KCNQ1OT1: variants seen among roughly 807,000 people sequenced by gnomAD.
The protein encoded by KCNQ1OT1 is KCNQ1 opposite strand/antisense transcript 1.
Position 2,645,519 on chromosome 11 carries a change from C to T in KCNQ1OT1, n.54476G>A, listed in dbSNP as rs1243052965. The T allele has an allele frequency of 5.0e-6, 2 of 398,640 alleles. No homozygotes were observed. Among genetic ancestry groups the T allele is most frequent in the Admixed American group, 8.8e-5 (2 of 22,710 alleles). The allele number at this position is 398,640 out of a possible 1,614,324, so 24.7% of individuals were successfully genotyped here. On this transcript the variant is annotated non_coding_transcript_exon_variant, in exon 1 of 1. Coordinates refer to ENST00000597346, the Ensembl canonical transcript of KCNQ1OT1. The surrounding 1 kb of genome is among the most constrained non-coding windows in gnomAD (Gnocchi z 5.8). ...GGGCAGCAGCAACTCTATTGCAGCC[C>T]TACTCCTGGGGAAGTTGAGTGGGAT...
rs186627326 is a variant in KCNQ1OT1 at position 2,646,853 on chromosome 11, C to A, written n.53142G>T. The A allele has an allele frequency of 1.5e-5, 6 of 398,626 alleles. No individual in the cohort carries two copies. The Admixed American group carries it at 2.6e-4, about 18-fold the overall frequency. 24.7% of individuals were successfully genotyped at this position (398,626 alleles called of 1,614,324 possible). ...GTTTGTTGATTTTTTTATCCTGCAA[C>A]TTTATTGAATTCCTTTACCAGTTCT... is the stretch of plus-strand genomic sequence containing the variant. On this transcript the variant is annotated non_coding_transcript_exon_variant, in exon 1 of 1. Coordinates refer to ENST00000597346, the Ensembl canonical transcript of KCNQ1OT1.
In KCNQ1OT1 at chr11:2,659,275, A is replaced by C; in HGVS notation, n.40720T>G. 2.5e-6 allele frequency: 1 copy of C among 398,628 alleles called. No homozygotes were observed. Among genetic ancestry groups the C allele is most frequent in the Non-Finnish European group, 4.4e-6 (1 of 226,052 alleles). 24.7% of individuals were successfully genotyped at this position (398,628 alleles called of 1,614,324 possible). A position where few individuals can be genotyped will look rare whatever the true frequency, so the allele number is the denominator to read the frequency against. On this transcript the variant is annotated non_coding_transcript_exon_variant, in exon 1 of 1. Coordinates refer to ENST00000597346, the Ensembl canonical transcript of KCNQ1OT1. This position sits in a 1 kb window ranked among gnomAD's most constrained non-coding sequence, Gnocchi z 4.3. ...TTTTGAAGTCAAGTACTTCTCCCCT[A>C]ACCACTGGCAGCTATTGATCTGTTT...
exon 1 of KCNQ1OT1, chr11:2,614,590 G>T (rs1205913554): frequency 7.5e-6 from 3 of 398,248 alleles, no homozygotes; most frequent in Non-Finnish European, 1.3e-5. Flanking sequence ...TTCATTCTTT[G>T]ATATATGAGG....
At chr11:2,672,776 G>A (rs962474519) in exon 1 of KCNQ1OT1, 1 of 398,754 alleles carries the variant, frequency 2.5e-6, no homozygotes, top group Non-Finnish European at 4.4e-6. Flanking sequence ...TCTCCTCCCC[G>A]CAACAGATCC....
In KCNQ1OT1 at chr11:2,671,325, C is replaced by T. The variant is rs576453276; in HGVS notation, n.28670G>A. 506 of 398,600 alleles carry T rather than the reference C, an allele frequency of 1.3e-3. 3 individuals carry two copies. Among genetic ancestry groups the T allele is most frequent in the Non-Finnish European group, 1.8e-3 (397 of 226,056 alleles). The allele number at this position is 398,600 out of a possible 1,614,324, so 24.7% of individuals were successfully genotyped here. On this transcript the variant is annotated non_coding_transcript_exon_variant, in exon 1 of 1. Transcript: ENST00000597346. This position sits in a 1 kb window ranked among gnomAD's most constrained non-coding sequence, Gnocchi z 4.7. ...ATCTTTTCCCATGTGTGGCTGCAGC[C>T]TCAGAGGCTCCCTCTGAAGATGACA...
chr11:2,637,607 T>A (rs565600700), exon 1 of KCNQ1OT1: 1 of 152,244 alleles, frequency 6.6e-6, no homozygotes, highest in African/African-American at 2.4e-5. Flanking sequence ...CTTCCAATTA[T>A]GTGGTCAATT....
rs1004721412 is a variant in KCNQ1OT1 at position 2,620,820 on chromosome 11, G to A, written n.79175C>T. 26 of 398,370 alleles carry A rather than the reference G, an allele frequency of 6.5e-5. No individual in the cohort carries two copies. Among genetic ancestry groups the A allele is most frequent in the South Asian group, 6.4e-4 (5 of 7,862 alleles). The allele number at this position is 398,370 out of a possible 1,614,324, so 24.7% of individuals were successfully genotyped here. ...GTATTCCTGCCAACAGTGTATAAGC[G>A]TTCCCTTTTCTCTGCAGCCTTCCCA... is the stretch of plus-strand genomic sequence containing the variant. On this transcript the variant is annotated non_coding_transcript_exon_variant, in exon 1 of 1. Transcript: ENST00000597346. The surrounding 1 kb of genome is among the most constrained non-coding windows in gnomAD (Gnocchi z 4.5).
rs1035141976 is a variant in KCNQ1OT1, at chr11:2,616,894, G to T, written n.83101C>A. On this transcript the variant is annotated non_coding_transcript_exon_variant, in exon 1 of 1. Coordinates refer to ENST00000597346, the Ensembl canonical transcript of KCNQ1OT1. ...CCATATATGTTTGTAGGTCTAGTTG[G>T]TTTATGGTATTGTTCAAGTCCTCTC... is the stretch of plus-strand genomic sequence containing the variant. The T allele has an allele frequency of 3.5e-5, 14 of 397,864 alleles. No individual in the cohort carries two copies. In the Admixed American group the frequency reaches 6.2e-4, roughly 18 times the overall value. 24.6% of individuals were successfully genotyped at this position (397,864 alleles called of 1,614,324 possible).
chr11:2,649,475 T>C (rs752483282), exon 1 of KCNQ1OT1: 22 of 398,454 alleles, frequency 5.5e-5, no homozygotes, highest in African/African-American at 1.0e-4. Flanking sequence ...GATTTAGTAG[T>C]AATGAATTCC....
chr11:2,618,817 G>A, exon 1 of KCNQ1OT1: 1 of 398,270 alleles, frequency 2.5e-6, no homozygotes, highest in Non-Finnish European at 4.4e-6. Context: ...ATGAGCATGG[G>A]ATATCTTTCC....
exon 1 of KCNQ1OT1, chr11:2,622,203 C>G: frequency 2.5e-6 from 1 of 398,334 alleles, no homozygotes; most frequent in Non-Finnish European, 4.4e-6. Flanking sequence ...CCAATTCTGT[C>G]AGTATATTTT....
rs768792902 is a variant in KCNQ1OT1, at chr11:2,656,769, T to TA, written n.43225dup. ...TCTCTCTCATGGTTATTGCTTCTTT[T>TA]AAAAAAAACCATCCTAATGCTGATG... On this transcript the variant is annotated non_coding_transcript_exon_variant, in exon 1 of 1. Coordinates refer to ENST00000597346, the Ensembl canonical transcript of KCNQ1OT1. 2.1e-4 allele frequency: 83 copies of TA among 398,448 alleles called. No individual in the cohort carries two copies. Among genetic ancestry groups the TA allele is most frequent in the South Asian group, 1.9e-3 (15 of 7,842 alleles). The allele number at this position is 398,448 out of a possible 1,614,324, so 24.7% of individuals were successfully genotyped here. A position where few individuals can be genotyped will look rare whatever the true frequency, so the allele number is the denominator to read the frequency against.
exon 1 of KCNQ1OT1, chr11:2,692,880 T>C (rs566863239): frequency 4.5e-5 from 18 of 398,642 alleles, no homozygotes; most frequent in African/African-American, 3.5e-4. Context: ...CTGTGCTGTG[T>C]AGATGCAGCA....
chr11:2,635,803 C>T (rs1255137019), exon 1 of KCNQ1OT1: 1 of 152,086 alleles, frequency 6.6e-6, no homozygotes, highest in Non-Finnish European at 1.5e-5. Flanking sequence ...TACTGATTCT[C>T]CCTATCCATG....
chr11:2,634,219 TG>T, exon 1 of KCNQ1OT1: 1 of 394,390 alleles, frequency 2.5e-6, no homozygotes. Context: ...GTGCACAACG[TG>T]CAGGTTTGTT....
At chr11:2,610,849 G>A (rs1848969810) in exon 1 of KCNQ1OT1, 1 of 397,238 alleles carries the variant, frequency 2.5e-6, no homozygotes, top group African/African-American at 2.1e-5. Context: ...AACAGGGGAG[G>A]GTATTAAGCA....
At position 2,652,455 on chromosome 11, in the gene KCNQ1OT1, C is replaced by T; in HGVS notation, n.47540G>A. 1 of 398,572 alleles carries T rather than the reference C, an allele frequency of 2.5e-6. No individual in the cohort carries two copies. Among genetic ancestry groups the T allele is most frequent in the Non-Finnish European group, 4.4e-6 (1 of 226,056 alleles). The allele number at this position is 398,572 out of a possible 1,614,324, so 24.7% of individuals were successfully genotyped here. On this transcript the variant is annotated non_coding_transcript_exon_variant, in exon 1 of 1. Transcript: ENST00000597346. This position sits in a 1 kb window ranked among gnomAD's most constrained non-coding sequence, Gnocchi z 5.9. Reference sequence around the variant, plus strand: ...AAGGCCACTTTTTTGTTTTCTCCATCCAAAGACCTCCAGAAACTTTCCTCC... The same window carrying T: ...AAGGCCACTTTTTTGTTTTCTCCATTCAAAGACCTCCAGAAACTTTCCTCC...
In KCNQ1OT1 at chr11:2,626,628, A is replaced by G. The variant is rs941149255; in HGVS notation, n.73367T>C. 1.3e-5 allele frequency: 5 copies of G among 398,516 alleles called. No individual in the cohort carries two copies. Among genetic ancestry groups the G allele is most frequent in the Non-Finnish European group, 2.2e-5 (5 of 226,112 alleles). The allele number at this position is 398,516 out of a possible 1,614,324, so 24.7% of individuals were successfully genotyped here. A position where few individuals can be genotyped will look rare whatever the true frequency, so the allele number is the denominator to read the frequency against. On this transcript the variant is annotated non_coding_transcript_exon_variant, in exon 1 of 1. Coordinates refer to ENST00000597346, the Ensembl canonical transcript of KCNQ1OT1. This position sits in a 1 kb window ranked among gnomAD's most constrained non-coding sequence, Gnocchi z 4.0. Reference sequence around the variant, plus strand: ...ACTGCCACCTCAATCTCCCAGGCTCAAGCAATCCTCCCACCTCGGCTTCTT... The same window carrying G: ...ACTGCCACCTCAATCTCCCAGGCTCGAGCAATCCTCCCACCTCGGCTTCTT...
At chr11:2,696,242 C>T in exon 1 of KCNQ1OT1, 2 of 398,648 alleles carry the variant, frequency 5.0e-6, no homozygotes, top group Non-Finnish European at 8.8e-6. Flanking sequence ...ATGGCAACTA[C>T]CTTTTGCTTT....
Sources: gnomAD v4.1 joint callset for allele counts on GRCh38, gnomAD v4.1.1 for gene constraint, Gnocchi (gnomAD v3.1) non-coding constraint, MANE v1.5 for transcripts, NCBI Gene and HGNC (gene_info 2026-07-23, HGNC 2026-07-21) for gene names.